SDK1: variants seen among roughly 807,000 people sequenced by gnomAD.
SDK1 encodes sidekick cell adhesion molecule 1.
A neutral mutation model predicts 245.5 loss-of-function variants in SDK1; 157 were observed. That is an observed-to-expected ratio of 0.64 (90% CI 0.56 to 0.73). SDK1 has a LOEUF of 0.73. SDK1 is among the 30% of genes least tolerant of loss of function. The pLI, the probability that SDK1 is intolerant of heterozygous loss-of-function variation, is 0.00. For synonymous variants in SDK1, 1,647 were observed against 1,278.5 expected (o/e 1.29, Z -6.15); for missense variants, 3,583 against 3,002.3 (o/e 1.19, Z -4.52).
chr7:3,991,204 A>T (rs746587901), intron 14 of SDK1, among the ~76,000 whole-genome samples: 4 of 152,228 alleles, frequency 2.6e-5, no homozygotes, highest in Non-Finnish European at 5.9e-5. Context: ...GGACAGCATC[A>T]GCAAGGACCC....
intron 17 of SDK1, among the ~76,000 whole-genome samples, chr7:4,028,154 G>A (rs66944213): frequency 0.061 from 9,309 of 152,104 alleles, 347 homozygotes; most frequent in Non-Finnish European, 0.08. Context: ...ACAAATTCTC[G>A]GGCCTTACTC....
At chr7:4,144,471 C>G (rs988155971) in intron 28 of SDK1, among the ~76,000 whole-genome samples, 1 of 121,088 alleles carries the variant, frequency 8.3e-6, no homozygotes, top group Middle Eastern at 3.6e-3. Flanking sequence ...TGATGGTGAG[C>G]GGTGATGCCT....
intron 5 of SDK1, among the ~76,000 whole-genome samples, chr7:3,894,096 T>C (rs1204686943): frequency 6.6e-6 from 1 of 152,214 alleles, no homozygotes; most frequent in African/African-American, 2.4e-5. Context: ...GTGTTTTAAG[T>C]ACTTCATGCT....
chr7:3,404,151 A>T (rs113421873), intron 1 of SDK1, among the ~76,000 whole-genome samples: 16 of 151,998 alleles, frequency 1.1e-4, no homozygotes, highest in East Asian at 1.9e-4. Context: ...AATGGCATCA[A>T]TAGACTTGCT....
At chr7:3,668,353 C>A (rs955622064) in intron 4 of SDK1, among the ~76,000 whole-genome samples, 2 of 152,198 alleles carry the variant, frequency 1.3e-5, no homozygotes, top group Non-Finnish European at 2.9e-5. Context: ...ACTGAGAGTT[C>A]ATCAGAGTTA....
intron 4 of SDK1, among the ~76,000 whole-genome samples, chr7:3,754,400 C>T (rs2114981371): frequency 2.0e-5 from 3 of 152,304 alleles, no homozygotes; most frequent in Middle Eastern, 6.8e-3. Context: ...CAAACTGTTA[C>T]AGGTGGTGAG....
At chr7:3,528,392 A>G (rs978367608) in intron 1 of SDK1, among the ~76,000 whole-genome samples, 4 of 151,816 alleles carry the variant, frequency 2.6e-5, no homozygotes, top group Non-Finnish European at 2.9e-5. Flanking sequence ...GAGTGGTGGG[A>G]GGTGAGCCTG....
intron 1 of SDK1, among the ~76,000 whole-genome samples, chr7:3,436,504 A>T (rs1306337404): frequency 6.6e-6 from 1 of 152,188 alleles, no homozygotes; most frequent in Non-Finnish European, 1.5e-5. Context: ...ATAAATCTGT[A>T]TGCAAGGAGT....
At chr7:3,575,899 C>T (rs1780270775) in intron 1 of SDK1, among the ~76,000 whole-genome samples, 1 of 151,884 alleles carries the variant, frequency 6.6e-6, no homozygotes, top group African/African-American at 2.4e-5. Flanking sequence ...TCATGAATAG[C>T]CCAGAGAAAT....
At chr7:3,508,943 A>G (rs1239584446) in intron 1 of SDK1, among the ~76,000 whole-genome samples, 1 of 152,196 alleles carries the variant, frequency 6.6e-6, no homozygotes. Context: ...CTGCTCTTAA[A>G]GGATAAACAT....
intron 1 of SDK1, among the ~76,000 whole-genome samples, chr7:3,547,982 T>C (rs182075395): frequency 2.7e-4 from 41 of 152,344 alleles, no homozygotes; most frequent in Admixed American, 1.3e-4. Context: ...CTTCCTTCTG[T>C]TCTTTTGAAG....
At chr7:3,379,347 T>C (rs935418943) in intron 1 of SDK1, among the ~76,000 whole-genome samples, 2 of 152,106 alleles carry the variant, frequency 1.3e-5, no homozygotes, top group Non-Finnish European at 2.9e-5. Context: ...TGAGGGGGCA[T>C]ATGAAAAGGC....
At chr7:3,840,234 A>G (rs1209928784) in intron 5 of SDK1, among the ~76,000 whole-genome samples, 2 of 152,262 alleles carry the variant, frequency 1.3e-5, no homozygotes, top group African/African-American at 4.8e-5. Flanking sequence ...ATTTTAAACC[A>G]AAAGTTGAAA....
chr7:3,425,231 G>C (rs1289843313), intron 1 of SDK1, among the ~76,000 whole-genome samples: 1 of 151,950 alleles, frequency 6.6e-6, no homozygotes, highest in Non-Finnish European at 1.5e-5. Context: ...AGGGAGACAG[G>C]CCTGTTGTTA....
chr7:3,375,149 C>T (rs1434542285), intron 1 of SDK1, among the ~76,000 whole-genome samples: 1 of 150,532 alleles, frequency 6.6e-6, no homozygotes, highest in Non-Finnish European at 1.5e-5. Flanking sequence ...TGGGCTCTCA[C>T]ATGTAATAAA....
chr7:3,718,354 T>A (rs888477394), intron 4 of SDK1, among the ~76,000 whole-genome samples: 9 of 150,726 alleles, frequency 6.0e-5, no homozygotes, highest in Admixed American at 6.6e-5. Flanking sequence ...ATAAAAATAA[T>A]AAATTGGCCA....
chr7:3,364,959 C>T (rs1781050631), intron 1 of SDK1, among the ~76,000 whole-genome samples: 1 of 152,146 alleles, frequency 6.6e-6, no homozygotes, highest in East Asian at 1.9e-4. Flanking sequence ...TTTTAGTTTT[C>T]AGTATATGAG....
chr7:3,593,914 C>T (rs1362479786), intron 1 of SDK1, among the ~76,000 whole-genome samples: 1 of 152,222 alleles, frequency 6.6e-6, no homozygotes, highest in African/African-American at 2.4e-5. Flanking sequence ...CTAGCATAAA[C>T]TGTTGTTTCC....
intron 22 of SDK1, among the ~76,000 whole-genome samples, chr7:4,090,812 T>C (rs1781740803): frequency 6.6e-6 from 1 of 152,224 alleles, no homozygotes; most frequent in Admixed American, 6.5e-5. Flanking sequence ...GGTCAGTTTC[T>C]ATATCTAGCC....
Sources: gnomAD v4.1 joint callset for allele counts (sites outside exome capture counted in the v4.1 genomes callset) on GRCh38, gnomAD v4.1.1 for gene constraint, MANE v1.5 for transcripts, NCBI Gene and HGNC (gene_info 2026-07-23, HGNC 2026-07-21) for gene names.